Variants in AGBL4 observed in about 807,000 individuals in gnomAD.
AGBL4 encodes cytosolic carboxypeptidase 6.
AGBL4 carries 58 observed loss-of-function variants against 66.4 expected under a neutral mutation model. The ratio of observed to expected loss-of-function variants is 0.87; its 90% CI spans 0.71 to 1.09. The LOEUF (loss-of-function observed/expected upper bound fraction) is 1.09. Ranked by LOEUF, AGBL4 falls within the 50% of genes least tolerant of loss-of-function variation. The probability of loss-of-function intolerance (pLI) is 0.00; values close to 1 mark genes in which losing one functional copy is unlikely to be tolerated. For synonymous variants in AGBL4, 234 were observed against 222.9 expected (o/e 1.05, Z -0.44); for missense variants, 579 against 631.0 (o/e 0.92, Z 0.88).
At chr1:49,878,716 G>C (rs1331304896) in intron 1 of AGBL4, among the ~76,000 whole-genome samples, 1 of 151,018 alleles carries the variant, frequency 6.6e-6, no homozygotes, top group Non-Finnish European at 1.5e-5. Flanking sequence ...GGGTATCGTT[G>C]TTGACTTTCT....
At chr1:48,724,907 G>A (rs1371726579) in intron 6 of AGBL4, among the ~76,000 whole-genome samples, 1 of 152,114 alleles carries the variant, frequency 6.6e-6, no homozygotes, top group Non-Finnish European at 1.5e-5. Context: ...TTCAGGTCCT[G>A]CCAATTCAGT....
At chr1:48,603,212 C>A (rs905831678) in intron 9 of AGBL4, among the ~76,000 whole-genome samples, 1 of 152,214 alleles carries the variant, frequency 6.6e-6, no homozygotes, top group Non-Finnish European at 1.5e-5. Flanking sequence ...TGGCTCATGC[C>A]TGTAATCCCA....
chr1:49,455,050 T>C (rs1472153667), intron 3 of AGBL4, among the ~76,000 whole-genome samples: 1 of 151,654 alleles, frequency 6.6e-6, no homozygotes, highest in African/African-American at 2.4e-5. Flanking sequence ...TAACTTTTCC[T>C]AGATCATCTA....
intron 4 of AGBL4, among the ~76,000 whole-genome samples, chr1:49,144,247 A>C (rs1646172874): frequency 6.6e-6 from 1 of 151,978 alleles, no homozygotes; most frequent in Non-Finnish European, 1.5e-5. Context: ...GTCGCCAGGT[A>C]CTATGTTAGA....
intron 6 of AGBL4, among the ~76,000 whole-genome samples, chr1:48,810,914 AG>A (rs1225849325): frequency 4.6e-5 from 7 of 152,064 alleles, no homozygotes; most frequent in Non-Finnish European, 1.0e-4. Flanking sequence ...TAAAAGGCCC[AG>A]GTTTTCCCAC....
In AGBL4 at chr1:48,801,725, A is replaced by C. The variant is rs72681073; in HGVS notation, c.634+65466T>G. On this transcript the variant is annotated intron_variant, in intron 6 of 13. Transcript: ENST00000371839. ...TTTTGGCTGTCTTGTGAAGTTTACA[A>C]TGGCAAGCCGCTTCCTCCACAGGAT... Among the ~76,000 whole-genome samples, 1,328 of 152,220 alleles carry C rather than the reference A, an allele frequency of 8.7e-3. 14 individuals carry two copies. Among genetic ancestry groups the C allele is most frequent in the South Asian group, 0.029 (141 of 4,814 alleles).
At chr1:49,207,597 T>C (rs1200151736) in intron 4 of AGBL4, among the ~76,000 whole-genome samples, 1 of 147,694 alleles carries the variant, frequency 6.8e-6, no homozygotes, top group Non-Finnish European at 1.5e-5. Context: ...TTTCTTTCTT[T>C]CTTTCTTCTT....
chr1:49,746,838 T>C (rs1651023436), intron 2 of AGBL4, among the ~76,000 whole-genome samples: 1 of 152,120 alleles, frequency 6.6e-6, no homozygotes, highest in Non-Finnish European at 1.5e-5. Context: ...CAACAATTAA[T>C]TGTCTGTAGC....
chr1:49,326,925 G>C (rs925381640), intron 3 of AGBL4, among the ~76,000 whole-genome samples: 1 of 152,024 alleles, frequency 6.6e-6, no homozygotes. Context: ...ATTGCTTCTG[G>C]GGCTCTAGGG....
At chr1:48,560,626 C>T (rs902383403) in intron 11 of AGBL4, among the ~76,000 whole-genome samples, 2 of 152,200 alleles carry the variant, frequency 1.3e-5, no homozygotes, top group African/African-American at 4.8e-5. Context: ...CAATAATTTA[C>T]TTGAAGAAGC....
intron 1 of AGBL4, among the ~76,000 whole-genome samples, chr1:49,897,191 T>C (rs1366540994): frequency 6.6e-6 from 1 of 152,038 alleles, no homozygotes; most frequent in East Asian, 1.9e-4. Context: ...GTAGATGATA[T>C]AAACTTGCAC....
At chr1:49,177,605 G>C (rs891183779) in intron 4 of AGBL4, among the ~76,000 whole-genome samples, 1 of 152,074 alleles carries the variant, frequency 6.6e-6, no homozygotes, top group Non-Finnish European at 1.5e-5. Context: ...AGTGCCCAGC[G>C]TGAAGCTCTG....
chr1:48,798,893 A>G (rs1384977068), intron 6 of AGBL4, among the ~76,000 whole-genome samples: 1 of 152,150 alleles, frequency 6.6e-6, no homozygotes, highest in Admixed American at 6.5e-5. Flanking sequence ...TTTTTATATC[A>G]GTACCATGCT....
chr1:49,520,712 A>C (rs2148799320), intron 3 of AGBL4, among the ~76,000 whole-genome samples: 1 of 151,816 alleles, frequency 6.6e-6, no homozygotes, highest in Non-Finnish European at 1.5e-5. Flanking sequence ...CCAAACACAC[A>C]CAGCACTCCT....
chr1:49,669,617 G>A (rs796725158), intron 3 of AGBL4, among the ~76,000 whole-genome samples: 1 of 152,208 alleles, frequency 6.6e-6, no homozygotes, highest in African/African-American at 2.4e-5. Flanking sequence ...AATCTAATGT[G>A]TATCAGAAAC....
At chr1:49,265,731 T>G (rs544374782) in intron 3 of AGBL4, among the ~76,000 whole-genome samples, 1 of 152,310 alleles carries the variant, frequency 6.6e-6, no homozygotes, top group African/African-American at 2.4e-5. Flanking sequence ...AATGTACATA[T>G]ATACGTACAT....
chr1:49,698,041 T>C (rs1311471014), intron 2 of AGBL4, among the ~76,000 whole-genome samples: 5 of 152,158 alleles, frequency 3.3e-5, no homozygotes, highest in Admixed American at 3.3e-4. Flanking sequence ...CTAACAGTTA[T>C]ATAAAAAATG....
intron 6 of AGBL4, among the ~76,000 whole-genome samples, chr1:48,755,319 T>G (rs984504242): frequency 6.6e-6 from 1 of 152,200 alleles, no homozygotes; most frequent in African/African-American, 2.4e-5. Context: ...GAGTAAATAA[T>G]GATTCTTCCA....
chr1:48,831,583 G>A (rs924582636), intron 6 of AGBL4, among the ~76,000 whole-genome samples: 12 of 152,184 alleles, frequency 7.9e-5, no homozygotes, highest in African/African-American at 2.7e-4. Context: ...ACTTCTTGAA[G>A]CAAGGACAAT....
Sources: gnomAD v4.1 joint callset for allele counts (sites outside exome capture counted in the v4.1 genomes callset) on GRCh38, gnomAD v4.1.1 for gene constraint, MANE v1.5 for transcripts, NCBI Gene and HGNC (gene_info 2026-07-23, HGNC 2026-07-21) for gene names.